PTGER4: variants seen among roughly 807,000 people sequenced by gnomAD.
PTGER4 encodes the protein prostaglandin E2 receptor EP4 subtype.
Under a neutral mutation model 33.2 loss-of-function variants are expected in PTGER4, and 11 were observed. The observed-to-expected ratio is 0.33, with a 90% CI of 0.21 to 0.55. The LOEUF is 0.55. Ranked by LOEUF, PTGER4 falls within the 20% of genes least tolerant of loss-of-function variation. The pLI is 0.92. For synonymous variants in PTGER4, 275 were observed against 281.5 expected (o/e 0.98, Z 0.23); for missense variants, 481 against 650.2 (o/e 0.74, Z 2.83).
chr5:40,732,735 A>C, the PTGER4 span, among the ~76,000 whole-genome samples: 2 of 151,968 alleles, frequency 1.3e-5, no homozygotes, highest in African/African-American at 4.8e-5. Flanking sequence ...CAGCCCCCCG[A>C]GTGGCTGGGA....
In PTGER4 at chr5:40,681,888, C is replaced by T. The variant is rs774833560; in HGVS notation, c.867+28C>T. On this transcript the variant is annotated intron_variant, in intron 2 of 2. Coordinates refer to ENST00000302472, the MANE Select transcript of PTGER4 (RefSeq NM_000958.3). The surrounding 1 kb of genome is among the most constrained non-coding windows in gnomAD (Gnocchi z 9.8). ...GAGTGACCGGGGCTGGGGCCCTACT[C>T]GGCCTTTTTCTCGCATCCACCTCCC... 1.4e-6 allele frequency: 2 copies of T among 1,479,908 alleles called. No individual in the cohort carries two copies. The highest frequency in any genetic ancestry group is 4.0e-4 in the Middle Eastern group (2 of 5,020). 91.7% of individuals were successfully genotyped at this position (1,479,908 alleles called of 1,614,324 possible).
the PTGER4 span, among the ~76,000 whole-genome samples, chr5:40,724,159 T>A: frequency 6.6e-6 from 1 of 152,000 alleles, no homozygotes; most frequent in East Asian, 1.9e-4. Flanking sequence ...ACAAAGCAAA[T>A]GGTATACACA....
the PTGER4 span, chr5:40,728,395 A>G: frequency 6.2e-7 from 1 of 1,613,332 alleles, no homozygotes; most frequent in Middle Eastern, 1.7e-4. Flanking sequence ...GTCTGCCAAG[A>G]CTCCCATGAA....
chr5:40,704,042 T>G, the PTGER4 span, among the ~76,000 whole-genome samples: 2 of 149,202 alleles, frequency 1.3e-5, no homozygotes, highest in African/African-American at 2.5e-5. Flanking sequence ...AAAGAAAACT[T>G]CAGGCCAATC....
the PTGER4 span, among the ~76,000 whole-genome samples, chr5:40,721,599 A>G: frequency 6.6e-6 from 1 of 152,178 alleles, no homozygotes; most frequent in East Asian, 1.9e-4. Flanking sequence ...CATAAACAAA[A>G]GTCAACTCCA....
the PTGER4 span, chr5:40,716,650 T>C: frequency 5.1e-6 from 3 of 590,386 alleles, no homozygotes; most frequent in South Asian, 7.9e-5. Context: ...AGCTACGGTG[T>C]TGCCCTAAAC....
chr5:40,738,670 G>A, the PTGER4 span, among the ~76,000 whole-genome samples: 1 of 151,938 alleles, frequency 6.6e-6, no homozygotes, highest in Non-Finnish European at 1.5e-5. Flanking sequence ...CATGAGCAAT[G>A]TATAAAAGTT....
At chr5:40,688,560 A>G (rs1423115114) in intron 2 of PTGER4, among the ~76,000 whole-genome samples, 1 of 152,224 alleles carries the variant, frequency 6.6e-6, no homozygotes, top group Non-Finnish European at 1.5e-5. Flanking sequence ...AAAAGGCAAC[A>G]TGGAGGTCCA....
the PTGER4 span, among the ~76,000 whole-genome samples, chr5:40,729,455 C>G: frequency 5.3e-5 from 8 of 152,124 alleles, no homozygotes; most frequent in African/African-American, 1.9e-4. Flanking sequence ...ACAGACTTTC[C>G]TACAAAATAT....
downstream of PTGER4, among the ~76,000 whole-genome samples, chr5:40,695,477 C>T (rs923301889): frequency 1.3e-5 from 2 of 152,132 alleles, no homozygotes; most frequent in South Asian, 2.1e-4. Flanking sequence ...ACCCGGGAGG[C>T]GGGGGTTGCA....
chr5:40,693,136 A>G lies in PTGER4; in HGVS notation c.*758A>G. The stretch of plus-strand genomic sequence containing the variant: ...TCTTTCCAGGCTATGTATAAAATAC[A>G]TAGTGAAAATTGTTTAGTGATATTA... On this transcript the variant is annotated 3_prime_UTR_variant, in exon 3 of 3. Transcript: ENST00000302472. 3 of 953,880 alleles carry G rather than the reference A, an allele frequency of 3.1e-6. No homozygotes were observed. The highest frequency in any genetic ancestry group is 3.7e-6 in the Non-Finnish European group (3 of 800,856). The allele number at this position is 953,880 out of a possible 1,614,324, so 59.1% of individuals were successfully genotyped here.
At chr5:40,689,685 T>G (rs1741421117) in intron 2 of PTGER4, among the ~76,000 whole-genome samples, 1 of 152,148 alleles carries the variant, frequency 6.6e-6, no homozygotes, top group Admixed American at 6.5e-5. Flanking sequence ...TTACGCTGTA[T>G]ATAGTAAGGC....
chr5:40,734,165 C>G, the PTGER4 span, among the ~76,000 whole-genome samples: 1 of 152,204 alleles, frequency 6.6e-6, no homozygotes, highest in African/African-American at 2.4e-5. Flanking sequence ...CTTCCCCCTT[C>G]TCATTTCTCT....
rs1741525428 is a variant in PTGER4 at position 40,693,658 on chromosome 5, C to T, written c.*1280C>T. On this transcript the variant is annotated 3_prime_UTR_variant, in exon 3 of 3. Transcript: ENST00000302472. ...GCTTGGTTGTAATTAAATTCTGAGC[C>T]TGATATTGATATGGTTTTAAGAAGC... The T allele has an allele frequency of 6.1e-6, 6 of 982,176 alleles. No homozygotes were observed. Among genetic ancestry groups the T allele is most frequent in the Non-Finnish European group, 6.0e-6 (5 of 826,624 alleles). 60.8% of individuals were successfully genotyped at this position (982,176 alleles called of 1,614,324 possible).
chr5:40,718,452 C>T, the PTGER4 span, among the ~76,000 whole-genome samples: 4 of 151,126 alleles, frequency 2.6e-5, no homozygotes, highest in East Asian at 5.9e-4. Flanking sequence ...GTATATAAAG[C>T]AGTATTTGGC....
Position 40,681,731 on chromosome 5 carries a change from A to G in PTGER4, c.738A>G (p.Pro246=). The G allele has an allele frequency of 6.3e-7, 1 of 1,596,034 alleles. No homozygotes were observed. Residue 246 remains proline, a synonymous_variant, in exon 2 of 3, where the codon CCA becomes CCG. Coordinates refer to ENST00000302472, the MANE Select transcript of PTGER4 (RefSeq NM_000958.3). The surrounding 1 kb of genome is among the most constrained non-coding windows in gnomAD (Gnocchi z 9.8). The part of the protein sequence containing the change: ...VASRGHPAAS[P]ALPRLSDFRR... Reference sequence around the variant, plus strand: ...CCCGGGGCCACCCCGCTGCCTCCCCAGCCTTGCCGCGCCTCAGCGACTTTC... The same window carrying G: ...CCCGGGGCCACCCCGCTGCCTCCCCGGCCTTGCCGCGCCTCAGCGACTTTC...
the PTGER4 span, among the ~76,000 whole-genome samples, chr5:40,709,194 A>G: frequency 2.0e-5 from 3 of 152,232 alleles, no homozygotes; most frequent in Non-Finnish European, 1.5e-5. Context: ...GCAATCAGGC[A>G]GGAGAAAGAA....
At chr5:40,717,879 G>A in the PTGER4 span, among the ~76,000 whole-genome samples, 14 of 151,902 alleles carry the variant, frequency 9.2e-5, no homozygotes, top group Admixed American at 3.3e-4. Context: ...GCCTGGCCAT[G>A]GTGAAAACCC....
At chr5:40,698,112 AAAAAAAAC>A (rs1279614356), downstream of PTGER4, among the ~76,000 whole-genome samples, 5 of 146,320 alleles carry the variant, frequency 3.4e-5, no homozygotes, top group South Asian at 2.2e-4. Context: ...AAAAAAAAAA[AAAAAAAAC>A]CATGAAAAAT....
Sources: gnomAD v4.1 joint callset for allele counts (sites outside exome capture counted in the v4.1 genomes callset) on GRCh38, gnomAD v4.1.1 for gene constraint, Gnocchi (gnomAD v3.1) non-coding constraint, MANE v1.5 for transcripts, NCBI Gene and HGNC (gene_info 2026-07-23, HGNC 2026-07-21) for gene names.